IRF2: variants seen among roughly 807,000 people sequenced by gnomAD.
IRF2 encodes interferon regulatory factor 2.
IRF2 carries 15 observed loss-of-function variants against 40.6 expected under a neutral mutation model. The ratio of observed to expected loss-of-function variants is 0.37; its 90% CI spans 0.25 to 0.57. IRF2 has a LOEUF of 0.57. IRF2 is among the 20% of genes least tolerant of loss of function. The probability of loss-of-function intolerance (pLI) is 0.77; values close to 1 mark genes in which losing one functional copy is unlikely to be tolerated. For synonymous variants in IRF2, 151 were observed against 165.5 expected, an observed-to-expected ratio of 0.91 and a Z score of 0.67; for missense variants, 317 against 455.7, an observed-to-expected ratio of 0.70 and a Z score of 2.77.
chr4:184,414,324 A>C (rs547235300), intron 5 of IRF2, among the ~76,000 whole-genome samples: 24 of 152,244 alleles, frequency 1.6e-4, no homozygotes, highest in African/African-American at 5.8e-4. Flanking sequence ...AGAATCCAGG[A>C]TTTCTCATTA....
intron 1 of IRF2, among the ~76,000 whole-genome samples, chr4:184,473,346 A>G (rs1336746746): frequency 2.7e-5 from 4 of 147,112 alleles, no homozygotes; most frequent in Non-Finnish European, 6.0e-5. Context: ...CCCGCTCCGT[A>G]GCCGAGGCGG....
chr4:184,411,610 G>T (rs1238605591), intron 5 of IRF2, among the ~76,000 whole-genome samples: 2 of 152,122 alleles, frequency 1.3e-5, no homozygotes, highest in East Asian at 1.9e-4. Flanking sequence ...CCTCCATCCA[G>T]GGTGCAGAAC....
chr4:184,447,962 G>A (rs1738575198), intron 1 of IRF2, among the ~76,000 whole-genome samples: 1 of 152,228 alleles, frequency 6.6e-6, no homozygotes, highest in Non-Finnish European at 1.5e-5. Context: ...AGCGGTGCTA[G>A]TTTCCTGATT....
intron 1 of IRF2, among the ~76,000 whole-genome samples, chr4:184,456,343 T>A (rs1738932033): frequency 6.6e-6 from 1 of 152,070 alleles, no homozygotes; most frequent in South Asian, 2.1e-4. Context: ...AGCCAAGGGA[T>A]CCTCAGGTGG....
At chr4:184,461,451 C>T (rs1451072193) in intron 1 of IRF2, among the ~76,000 whole-genome samples, 3 of 152,200 alleles carry the variant, frequency 2.0e-5, no homozygotes, top group African/African-American at 7.2e-5. Context: ...GTTTCTGGAA[C>T]TGTCATCTTA....
intron 1 of IRF2, among the ~76,000 whole-genome samples, chr4:184,434,544 C>G (rs140973160): frequency 6.6e-6 from 1 of 152,210 alleles, no homozygotes; most frequent in Non-Finnish European, 1.5e-5. Context: ...AAGCATCTAC[C>G]CTGGAGCCTG....
intron 8 of IRF2, 91 bp downstream of exon 8, chr4:184,390,612 G>A: frequency 8.4e-7 from 1 of 1,191,648 alleles, no homozygotes; most frequent in Non-Finnish European, 1.2e-6. Context: ...TGATCTAAAG[G>A]AAAGGTGCAT....
intron 6 of IRF2, among the ~76,000 whole-genome samples, chr4:184,405,001 G>A (rs1736800223): frequency 6.6e-6 from 1 of 152,208 alleles, no homozygotes; most frequent in African/African-American, 2.4e-5. Flanking sequence ...CCAGCACTTT[G>A]GGAGACCGAG....
chr4:184,439,946 A>G (rs1738240035), intron 1 of IRF2, among the ~76,000 whole-genome samples: 1 of 152,234 alleles, frequency 6.6e-6, no homozygotes, highest in South Asian at 2.1e-4. Flanking sequence ...CAAGAACAGC[A>G]GCTCTTCGTC....
At chr4:184,468,494 G>A (rs200147751) in intron 1 of IRF2, among the ~76,000 whole-genome samples, 4 of 150,630 alleles carry the variant, frequency 2.7e-5, no homozygotes, top group African/African-American at 4.9e-5. Context: ...TCTCAAAAAA[G>A]AAAAAAAAAG....
chr4:184,393,487 G>T (rs568795298), intron 7 of IRF2, among the ~76,000 whole-genome samples: 1 of 152,152 alleles, frequency 6.6e-6, no homozygotes, highest in East Asian at 1.9e-4. Context: ...AGCCCCAGTC[G>T]CAGGTGCAGG....
chr4:184,391,686 G>C (rs546518176), intron 7 of IRF2, among the ~76,000 whole-genome samples: 2 of 152,346 alleles, frequency 1.3e-5, no homozygotes, highest in African/African-American at 4.8e-5. Context: ...AGAGGACCCA[G>C]CTAAGCCACG....
chr4:184,447,122 T>C (rs910567313), intron 1 of IRF2, among the ~76,000 whole-genome samples: 5 of 152,054 alleles, frequency 3.3e-5, no homozygotes, highest in African/African-American at 1.2e-4. Context: ...CCAAAAGGAA[T>C]CAGGGCTCCT....
rs562658928 is a variant in IRF2, at chr4:184,434,514, C to T, written c.-6-5444G>A. On this transcript the variant is annotated intron_variant, in intron 1 of 8. Transcript: ENST00000393593. ...CCTAATATATGAGCAACCTGTACTT[C>T]AAAGTAAGTAAAAGAGTTGAAGCAT... Among the ~76,000 whole-genome samples the T allele has an allele frequency of 3.3e-5, 5 of 152,216 alleles. No homozygotes were observed. The East Asian group carries it at 7.7e-4, about 23-fold the overall frequency.
intron 1 of IRF2, among the ~76,000 whole-genome samples, chr4:184,439,741 T>C (rs984765343): frequency 1.3e-5 from 2 of 152,224 alleles, no homozygotes; most frequent in Non-Finnish European, 2.9e-5. Flanking sequence ...CCATAGCTGC[T>C]TTATAAAATT....
rs34566726 is a variant in IRF2, at chr4:184,395,412, C to CA, written c.694+3502dup. On this transcript the variant is annotated intron_variant, in intron 7 of 8. Transcript: ENST00000393593. ...TGGGCGACAGAGCGAGACTCCGTCT[C>CA]AAAAAAAAAAAAAAAAAAAAAAAGG... 3.4e-3 allele frequency among the ~76,000 whole-genome samples: 225 copies of CA among 67,066 alleles called. 23 individuals are homozygous for CA. The highest frequency in any genetic ancestry group is 0.014 in the Middle Eastern group (1 of 72). The allele number at this position is 67,066 out of a possible 152,430, so 44.0% of individuals were successfully genotyped here.
In IRF2 at chr4:184,399,019, G is replaced by A. The variant is rs774504500; in HGVS notation, c.590C>T (p.Pro197Leu). Reference sequence around the variant, plus strand: ...CACCTCTACAACTTGGCAAATGTCTGGCGGATTGGTGACAATCTCTTGATT... The same window carrying A: ...CACCTCTACAACTTGGCAAATGTCTAGCGGATTGGTGACAATCTCTTGATT... ...IENQEIVTNP[P>L]DICQVVEVTT... Residue 197 changes from proline to leucine, a missense_variant, in exon 7 of 9, where the codon CCA becomes CTA. By Grantham distance (98) the Pro-to-Leu change is moderately conservative. Around this residue, in one of 2 missense-constraint regions of IRF2, gnomAD observed 262 missense variants for 334.0 expected, o/e 0.78. Coordinates refer to ENST00000393593, the MANE Select transcript of IRF2 (RefSeq NM_002199.4). 1 of 1,613,452 alleles carries A rather than the reference G, an allele frequency of 6.2e-7. No homozygotes were observed. Among genetic ancestry groups the A allele is most frequent in the African/African-American group, 1.3e-5 (1 of 74,998 alleles).
chr4:184,427,375 G>T (rs1737710011), intron 2 of IRF2, among the ~76,000 whole-genome samples: 1 of 152,180 alleles, frequency 6.6e-6, no homozygotes, highest in Admixed American at 6.5e-5. Context: ...TCAAAATCAG[G>T]CTGGGCACTG....
chr4:184,457,494 A>G (rs1738986981), intron 1 of IRF2, among the ~76,000 whole-genome samples: 1 of 152,222 alleles, frequency 6.6e-6, no homozygotes, highest in Admixed American at 6.5e-5. Flanking sequence ...TCTTACCTGA[A>G]TTTGAGCCAA....
Sources: gnomAD v4.1 joint callset for allele counts (sites outside exome capture counted in the v4.1 genomes callset) on GRCh38, gnomAD v4.1.1 for gene constraint, gnomAD v4.1.1 regional missense constraint, MANE v1.5 for transcripts, NCBI Gene and HGNC (gene_info 2026-07-23, HGNC 2026-07-21) for gene names.